The following CATSPERB variants were observed in gnomAD, a reference collection of about 807,000 sequenced individuals.
CATSPERB encodes the protein cation channel sperm-associated auxiliary subunit beta.
A neutral mutation model predicts 128.3 loss-of-function variants in CATSPERB; 93 were observed. That is an observed-to-expected ratio of 0.72 (90% CI 0.61 to 0.86). CATSPERB has a LOEUF of 0.86. Among genes scored for constraint, CATSPERB ranks in the 40% least tolerant of loss-of-function variants. The pLI is 0.00. For synonymous variants in CATSPERB, 381 were observed against 448.8 expected, an observed-to-expected ratio of 0.85 and a Z score of 1.91; for missense variants, 1,153 against 1,329.5, an observed-to-expected ratio of 0.87 and a Z score of 2.06.
At chr14:91,608,233 T>G (rs1893749974) in intron 22 of CATSPERB, 61 bp downstream of exon 22, 2 of 1,045,102 alleles carry the variant, frequency 1.9e-6, no homozygotes, top group African/African-American at 1.6e-5. Flanking sequence ...TATATATAAT[T>G]TTACTGAATG....
chr14:91,606,169 C>A (rs1410463525), intron 22 of CATSPERB, among the ~76,000 whole-genome samples: 1 of 151,876 alleles, frequency 6.6e-6, no homozygotes, highest in Non-Finnish European at 1.5e-5. Context: ...GAGCAAGACT[C>A]CGTCTCAAAC....
At chr14:91,610,762 C>G in intron 20 of CATSPERB, 85 bp from the exon 21 acceptor site, 4 of 1,243,886 alleles carry the variant, frequency 3.2e-6, no homozygotes, top group Non-Finnish European at 4.5e-6. Flanking sequence ...ATGTTGAAAC[C>G]CCAACCTCCA....
At chr14:91,728,944 T>C (rs2139785588) in intron 2 of CATSPERB, among the ~76,000 whole-genome samples, 1 of 152,384 alleles carries the variant, frequency 6.6e-6, no homozygotes, top group South Asian at 2.1e-4. Context: ...CAGTTTCAGT[T>C]ACCTGTAGCC....
At chr14:91,658,448 TTACA>T in intron 15 of CATSPERB, among the ~76,000 whole-genome samples, 1 of 151,690 alleles carries the variant, frequency 6.6e-6, no homozygotes, top group East Asian at 2.0e-4. Context: ...AAAAATATCA[TTACA>T]TAGAATGAAT....
chr14:91,701,348 T>C (rs904977345), intron 7 of CATSPERB, among the ~76,000 whole-genome samples: 1 of 152,030 alleles, frequency 6.6e-6, no homozygotes, highest in Admixed American at 6.6e-5. Flanking sequence ...ATATGTGATA[T>C]GTGGGAGGGC....
intron 15 of CATSPERB, chr14:91,646,069 C>A (rs61067662): frequency 6.5e-6 from 1 of 154,040 alleles, no homozygotes; most frequent in African/African-American, 2.4e-5. Context: ...CTTCGGCTCG[C>A]GCACGGTGCG....
chr14:91,669,870 G>C lies in CATSPERB; in HGVS notation c.1231C>G (p.Pro411Ala), dbSNP rs2139829294. 1 of 1,613,926 alleles carries C rather than the reference G, an allele frequency of 6.2e-7. No homozygotes were observed. The highest frequency in any genetic ancestry group is 2.2e-5 in the East Asian group (1 of 44,862). ...IFRFPSSFSSPVGMVFHPRSH... is the reference protein window; with the variant it reads ...IFRFPSSFSSAVGMVFHPRSH... ...CGGGGATGAAATACCATTCCAACGGGAGAAGAGAATGATGAAGGAAACCGA... is the reference window on the plus strand; with the variant it reads ...CGGGGATGAAATACCATTCCAACGGCAGAAGAGAATGATGAAGGAAACCGA... Residue 411 changes from proline to alanine, a missense_variant, in exon 14 of 27, where the codon CCC becomes GCC. Pro to Ala is a conservative substitution (Grantham distance 27). Transcript: ENST00000256343.
At chr14:91,606,742 G>GT (rs1158002344) in intron 22 of CATSPERB, among the ~76,000 whole-genome samples, 1 of 152,136 alleles carries the variant, frequency 6.6e-6, no homozygotes, top group Non-Finnish European at 1.5e-5. Flanking sequence ...GTGCATTGCT[G>GT]TATCTTCAGA....
chr14:91,729,585 T>C (rs1896180097), intron 1 of CATSPERB, 106 bp from the exon 2 acceptor site: 5 of 551,238 alleles, frequency 9.1e-6, no homozygotes, highest in Non-Finnish European at 1.6e-5. Context: ...CTCAATATTC[T>C]TAATATTTCA....
intron 5 of CATSPERB, among the ~76,000 whole-genome samples, chr14:91,717,231 T>A (rs1895958229): frequency 6.6e-6 from 1 of 152,110 alleles, no homozygotes; most frequent in Admixed American, 6.5e-5. Flanking sequence ...AGGGGTTGAT[T>A]ATGGGTGGAG....
chr14:91,683,390 C>T (rs1895319189), intron 11 of CATSPERB, among the ~76,000 whole-genome samples: 1 of 152,210 alleles, frequency 6.6e-6, no homozygotes, highest in Admixed American at 6.5e-5. Context: ...AACTGAGTGG[C>T]TTAGGTTAAA....
intron 15 of CATSPERB, among the ~76,000 whole-genome samples, chr14:91,653,102 C>CT (rs1894735898): frequency 6.6e-6 from 1 of 152,106 alleles, no homozygotes; most frequent in Non-Finnish European, 1.5e-5. Flanking sequence ...CAAAACCATG[C>CT]TTTTTGAAGT....
At chr14:91,613,172 A>T (rs1161723391) in intron 20 of CATSPERB, among the ~76,000 whole-genome samples, 1 of 152,196 alleles carries the variant, frequency 6.6e-6, no homozygotes, top group Non-Finnish European at 1.5e-5. Context: ...GTATGTGGGC[A>T]TGAAATCACA....
chr14:91,597,249 C>T (rs1219209861), intron 22 of CATSPERB, among the ~76,000 whole-genome samples: 1 of 152,074 alleles, frequency 6.6e-6, no homozygotes, highest in Non-Finnish European at 1.5e-5. Context: ...AGCTTTAAAA[C>T]ACTTGATATT....
chr14:91,630,927 G>A (rs745757357), intron 17 of CATSPERB, among the ~76,000 whole-genome samples: 5 of 152,054 alleles, frequency 3.3e-5, no homozygotes, highest in African/African-American at 4.8e-5. Flanking sequence ...CACCATCACT[G>A]TGCATCATCT....
chr14:91,698,834 T>A (rs181238064), intron 7 of CATSPERB, among the ~76,000 whole-genome samples: 67 of 152,318 alleles, frequency 4.4e-4, no homozygotes, highest in Non-Finnish European at 8.5e-4. Flanking sequence ...AATGTGTGGT[T>A]TTTTTTATCC....
At chr14:91,627,395 T>C (rs1192452607) in intron 17 of CATSPERB, among the ~76,000 whole-genome samples, 1 of 152,222 alleles carries the variant, frequency 6.6e-6, no homozygotes, top group Non-Finnish European at 1.5e-5. Context: ...ACCCTGACAA[T>C]TATACTGACA....
intron 13 of CATSPERB, among the ~76,000 whole-genome samples, chr14:91,671,637 G>C (rs1895090167): frequency 6.6e-6 from 1 of 151,536 alleles, no homozygotes; most frequent in Non-Finnish European, 1.5e-5. Context: ...CGTATCTCCT[G>C]TTTGCTGTCC....
intron 19 of CATSPERB, among the ~76,000 whole-genome samples, chr14:91,618,331 T>C (rs1299077877): frequency 6.6e-6 from 1 of 152,246 alleles, no homozygotes; most frequent in African/African-American, 2.4e-5. Context: ...TATCTCATCC[T>C]GTGGCTTAGA....
Sources: allele counts gnomAD v4.1 joint callset (sites outside exome capture counted in the v4.1 genomes callset), GRCh38; gene constraint gnomAD v4.1.1; transcripts MANE v1.5; gene names NCBI Gene and HGNC (gene_info 2026-07-23, HGNC 2026-07-21).